SCAI: variants seen among roughly 807,000 people sequenced by gnomAD.
SCAI encodes the protein suppressor of cancer cell invasion, also known as protein SCAI.
A neutral mutation model predicts 92.2 loss-of-function variants in SCAI; 24 were observed. The observed-to-expected ratio is 0.26, with a 90% confidence interval of 0.19 to 0.37. SCAI has a LOEUF of 0.37. SCAI is among the 10% of genes least tolerant of loss of function. SCAI has a pLI of 1.00. For synonymous variants in SCAI, 261 were observed against 258.6 expected (o/e 1.01, Z -0.09); for missense variants, 450 against 736.2 (o/e 0.61, Z 4.50).
intron 2 of SCAI, among the ~76,000 whole-genome samples, chr9:125,056,859 T>A (rs1421733637): frequency 1.3e-5 from 2 of 152,156 alleles, no homozygotes; most frequent in African/African-American, 4.8e-5. Context: ...ATGGTATGAG[T>A]ACACTTCAGT....
At chr9:125,019,050 T>TA (rs1588155662) in intron 8 of SCAI, 57 bp downstream of exon 8, 1 of 1,525,996 alleles carries the variant, frequency 6.6e-7, no homozygotes, top group East Asian at 2.3e-5. Context: ...AATAAAAACA[T>TA]AAACTACACG....
chr9:124,968,631 G>T, intron 17 of SCAI: 1 of 973,270 alleles, frequency 1.0e-6, no homozygotes. Flanking sequence ...TGATTCCTCC[G>T]CTAGTCTTTC....
rs193201749 is a variant in SCAI at position 124,946,063 on chromosome 9, T to C, written c.*6744A>G. The C allele has an allele frequency of 1.6e-3, 246 of 152,334 alleles. 1 individual carries two copies. Among genetic ancestry groups the C allele is most frequent in the African/African-American group, 5.7e-3 (238 of 41,590 alleles). 9.4% of individuals were successfully genotyped at this position (152,334 alleles called of 1,614,324 possible). ...GTCACATTCACAATGTCAAGTGTTT[T>C]CTACTGTACTTTTGATTACCACTAC... On this transcript the variant is annotated 3_prime_UTR_variant, in exon 18 of 18. Transcript: ENST00000336505. The surrounding 1 kb of genome is among the most constrained non-coding windows in gnomAD (Gnocchi z 4.0).
chr9:124,990,097 T>C (rs1189653318), intron 14 of SCAI, among the ~76,000 whole-genome samples: 1 of 150,640 alleles, frequency 6.6e-6, no homozygotes, highest in Non-Finnish European at 1.5e-5. Context: ...TGGCCTGAAC[T>C]TGGGGAGCAG....
chr9:125,096,957 C>T (rs1036079422), intron 2 of SCAI, among the ~76,000 whole-genome samples: 8 of 152,144 alleles, frequency 5.3e-5, no homozygotes, highest in African/African-American at 1.9e-4. Context: ...TTGCCTATAA[C>T]TTAACGTTTA....
chr9:125,040,021 G>C (rs575138806), intron 3 of SCAI, among the ~76,000 whole-genome samples: 1 of 152,258 alleles, frequency 6.6e-6, no homozygotes, highest in East Asian at 1.9e-4. Flanking sequence ...ATGCTCTCTT[G>C]CTTCTCCTTT....
In SCAI at chr9:124,959,271, A is replaced by T. The variant is rs571943059; in HGVS notation, c.1675-6318T>A. Among the ~76,000 whole-genome samples the T allele has an allele frequency of 1.9e-3, 269 of 140,652 alleles. 1 individual carries two copies. The highest frequency in any genetic ancestry group is 4.3e-3 in the African/African-American group (149 of 35,028). The allele number at this position is 140,652 out of a possible 152,430, so 92.3% of individuals were successfully genotyped here. ...TTAAAGTATAATAATAATAAAATTT[A>T]AAAAAAAAAGCATTTCAAATGAAAA... is the stretch of plus-strand genomic sequence containing the variant. On this transcript the variant is annotated intron_variant, in intron 17 of 17. Transcript: ENST00000336505.
chr9:125,106,921 C>T (rs1350062630), intron 2 of SCAI, among the ~76,000 whole-genome samples: 1 of 149,224 alleles, frequency 6.7e-6, no homozygotes, highest in Non-Finnish European at 1.5e-5. Context: ...CATTATGTTG[C>T]CCACGCTGGT....
chr9:125,124,078 T>C (rs1373120223), intron 2 of SCAI, among the ~76,000 whole-genome samples: 3 of 152,168 alleles, frequency 2.0e-5, no homozygotes, highest in East Asian at 3.9e-4. Context: ...TGGTTTGTCA[T>C]GAAGATAGCC....
chr9:125,076,994 G>A (rs532478485), intron 2 of SCAI, among the ~76,000 whole-genome samples: 5 of 152,212 alleles, frequency 3.3e-5, no homozygotes, highest in South Asian at 4.1e-4. Context: ...GAGCCACTGC[G>A]CCCAGCAGAA....
At chr9:125,038,341 G>A (rs1833245153) in intron 3 of SCAI, among the ~76,000 whole-genome samples, 1 of 152,200 alleles carries the variant, frequency 6.6e-6, no homozygotes, top group Non-Finnish European at 1.5e-5. Flanking sequence ...AGCTCAACCT[G>A]CTATGTTTTG....
intron 2 of SCAI, among the ~76,000 whole-genome samples, chr9:125,075,208 A>G (rs984100142): frequency 6.6e-6 from 1 of 152,142 alleles, no homozygotes; most frequent in Non-Finnish European, 1.5e-5. Context: ...AATTCATTCA[A>G]ACTGTCTCCA....
At chr9:125,011,727 T>C (rs1268832433) in intron 9 of SCAI, among the ~76,000 whole-genome samples, 1 of 152,108 alleles carries the variant, frequency 6.6e-6, no homozygotes, top group African/African-American at 2.4e-5. Context: ...GGACACATAA[T>C]TGTCAGATTC....
At chr9:125,001,907 G>A (rs753087876) in intron 12 of SCAI, 58 bp downstream of exon 12, 11 of 1,255,078 alleles carry the variant, frequency 8.8e-6, no homozygotes, top group Non-Finnish European at 1.3e-5. Flanking sequence ...CCATCGTCTT[G>A]TAGAAAATAA....
intron 14 of SCAI, among the ~76,000 whole-genome samples, chr9:124,980,712 C>G (rs1312796088): frequency 6.6e-6 from 1 of 152,094 alleles, no homozygotes; most frequent in Admixed American, 6.6e-5. Flanking sequence ...GAAGAGGGCC[C>G]CTGGAAGTTT....
chr9:125,115,373 A>AC (rs1185814159), intron 2 of SCAI, among the ~76,000 whole-genome samples: 37 of 149,326 alleles, frequency 2.5e-4, no homozygotes, highest in African/African-American at 8.5e-4. Context: ...CTCTCCTCAA[A>AC]AAAAAAAAAA....
At chr9:125,040,481 A>T (rs1266033577) in intron 3 of SCAI, among the ~76,000 whole-genome samples, 1 of 152,248 alleles carries the variant, frequency 6.6e-6, no homozygotes, top group East Asian at 1.9e-4. Flanking sequence ...CAACATGTCT[A>T]TTTAAGAATA....
At chr9:125,012,914 T>C (rs1832669982) in intron 9 of SCAI, among the ~76,000 whole-genome samples, 1 of 150,968 alleles carries the variant, frequency 6.6e-6, no homozygotes, top group African/African-American at 2.4e-5. Flanking sequence ...CTGAACAACC[T>C]GCTCCTGAAT....
chr9:124,976,269 G>C (rs1831752729), intron 14 of SCAI, 83 bp from the exon 15 acceptor site: 2 of 970,182 alleles, frequency 2.1e-6, no homozygotes, highest in East Asian at 4.9e-5. Flanking sequence ...CATATTTTTA[G>C]TGTATAGATT....
Sources: allele counts gnomAD v4.1 joint callset (sites outside exome capture counted in the v4.1 genomes callset), GRCh38; gene constraint gnomAD v4.1.1; non-coding constraint Gnocchi (gnomAD v3.1); transcripts MANE v1.5; gene names NCBI Gene and HGNC (gene_info 2026-07-23, HGNC 2026-07-21).